The following MARCHF1 variants were observed in gnomAD, a reference collection of about 807,000 sequenced individuals.
The protein encoded by MARCHF1 is E3 ubiquitin-protein ligase MARCHF1.
A neutral mutation model predicts 54.2 loss-of-function variants in MARCHF1; 40 were observed. The observed-to-expected ratio is 0.74, with a 90% CI of 0.57 to 0.96. The LOEUF is 0.96. Ranked by LOEUF, MARCHF1 falls within the 40% of genes least tolerant of loss-of-function variation. The pLI, the probability that MARCHF1 is intolerant of heterozygous loss-of-function variation, is 0.00. For synonymous variants in MARCHF1, 236 were observed against 236.3 expected, an observed-to-expected ratio of 1.00 and a Z score of 0.01; for missense variants, 586 against 656.5, an observed-to-expected ratio of 0.89 and a Z score of 1.17.
chr4:163,704,459 T>C (rs1744893826), intron 4 of MARCHF1, among the ~76,000 whole-genome samples: 1 of 151,888 alleles, frequency 6.6e-6, no homozygotes, highest in Non-Finnish European at 1.5e-5. Flanking sequence ...GTTATAAACA[T>C]TTAATGTCTA....
At chr4:164,117,359 A>G (rs889480583) in intron 1 of MARCHF1, among the ~76,000 whole-genome samples, 2 of 152,076 alleles carry the variant, frequency 1.3e-5, no homozygotes, top group Admixed American at 6.6e-5. Context: ...ATTTTAGGTC[A>G]AGGCTTATCC....
rs562071958 is a variant in MARCHF1 at position 164,335,912 on chromosome 4, T to C, written c.-323+47958A>G. Reference sequence around the variant, plus strand: ...AGAACAAACCTGAATATATGTATTCTTCCAGTAATCAATCAGGCAAGCTTA... The same window carrying C: ...AGAACAAACCTGAATATATGTATTCCTCCAGTAATCAATCAGGCAAGCTTA... On this transcript the variant is annotated intron_variant, in intron 1 of 9. Coordinates refer to ENST00000514618, the MANE Select transcript of MARCHF1 (RefSeq NM_001394959.1). Among the ~76,000 whole-genome samples, 6 of 152,298 alleles carry C rather than the reference T, an allele frequency of 3.9e-5. No individual in the cohort carries two copies. In the South Asian group the frequency reaches 1.2e-3, roughly 32 times the overall value.
At chr4:164,339,536 A>T (rs1410522882) in intron 1 of MARCHF1, among the ~76,000 whole-genome samples, 1 of 152,214 alleles carries the variant, frequency 6.6e-6, no homozygotes. Flanking sequence ...AAAATTTAAA[A>T]CAACATATCA....
chr4:163,811,297 T>C (rs1194084086), intron 4 of MARCHF1, among the ~76,000 whole-genome samples: 1 of 152,100 alleles, frequency 6.6e-6, no homozygotes, highest in Non-Finnish European at 1.5e-5. Context: ...TTTTGTTTAG[T>C]GATACCTTAA....
chr4:163,637,648 C>A (rs7377471), intron 5 of MARCHF1, among the ~76,000 whole-genome samples: 33,718 of 148,446 alleles, frequency 0.23, 4,522 homozygotes, highest in Non-Finnish European at 0.3. Context: ...GTTGGTGGGA[C>A]TGTAAACTAG....
intron 1 of MARCHF1, among the ~76,000 whole-genome samples, chr4:164,272,287 C>T (rs1371876252): frequency 2.4e-4 from 37 of 151,848 alleles, no homozygotes; most frequent in Admixed American, 2.2e-3. Flanking sequence ...TCAAGAGAAA[C>T]TTACAGGAGT....
In MARCHF1 at chr4:164,158,898, G is replaced by A. The variant is rs140313891; in HGVS notation, c.-322-47236C>T. On this transcript the variant is annotated intron_variant, in intron 1 of 9. Transcript: ENST00000514618. ...TCTTCAGCATGAACATGTCTACTTC[G>A]AGAATCATCCTCCTCCTAAACCTGC... 5.1e-3 allele frequency among the ~76,000 whole-genome samples: 769 copies of A among 152,066 alleles called. 5 individuals are homozygous for A. Among genetic ancestry groups the A allele is most frequent in the Non-Finnish European group, 8.0e-3 (546 of 67,988 alleles).
intron 1 of MARCHF1, among the ~76,000 whole-genome samples, chr4:164,117,562 A>G (rs577237207): frequency 6.6e-6 from 1 of 152,204 alleles, no homozygotes; most frequent in South Asian, 2.1e-4. Context: ...AGATAATTAT[A>G]AAACATTCAA....
chr4:163,912,015 C>T (rs1374594517), intron 3 of MARCHF1, among the ~76,000 whole-genome samples: 1 of 150,550 alleles, frequency 6.6e-6, no homozygotes, highest in African/African-American at 2.4e-5. Flanking sequence ...GAAAAGAAAT[C>T]GTTAGTCTAG....
intron 5 of MARCHF1, among the ~76,000 whole-genome samples, chr4:163,681,490 C>T (rs1262328725): frequency 6.6e-6 from 1 of 152,028 alleles, no homozygotes; most frequent in East Asian, 1.9e-4. Flanking sequence ...TCCCATAATC[C>T]CCATATGTCA....
intron 1 of MARCHF1, among the ~76,000 whole-genome samples, chr4:164,242,823 T>A (rs939726301): frequency 1.3e-5 from 2 of 151,236 alleles, no homozygotes; most frequent in African/African-American, 4.9e-5. Context: ...GAGAACTACG[T>A]GAAGAATGCA....
intron 4 of MARCHF1, among the ~76,000 whole-genome samples, chr4:163,780,079 C>A (rs538477899): frequency 6.6e-6 from 1 of 152,212 alleles, no homozygotes; most frequent in South Asian, 2.1e-4. Context: ...ATTGAGTGGA[C>A]AAAATTGAGA....
chr4:164,298,032 A>T (rs1734455429), intron 1 of MARCHF1, among the ~76,000 whole-genome samples: 1 of 152,112 alleles, frequency 6.6e-6, no homozygotes, highest in Non-Finnish European at 1.5e-5. Context: ...TATATGTCTC[A>T]ACACAATACC....
At chr4:164,092,186 G>A (rs1203468157) in intron 2 of MARCHF1, among the ~76,000 whole-genome samples, 7 of 152,070 alleles carry the variant, frequency 4.6e-5, no homozygotes, top group African/African-American at 7.2e-5. Context: ...CAGCCACTGG[G>A]CACCAGGCTG....
At position 163,535,142 on chromosome 4, in the gene MARCHF1, G is replaced by T. The variant is rs534986046; in HGVS notation, c.1340-6096C>A. 3.3e-5 allele frequency among the ~76,000 whole-genome samples: 5 copies of T among 151,964 alleles called. No individual in the cohort carries two copies. In the South Asian group the frequency reaches 1.0e-3, roughly 32 times the overall value. On this transcript the variant is annotated intron_variant, in intron 9 of 9. Coordinates refer to ENST00000514618, the MANE Select transcript of MARCHF1 (RefSeq NM_001394959.1). ...CAGTATCGTTCATAACGAAACATAC[G>T]TTCCACACTTTTAACATATTCTAGG...
At chr4:164,080,923 A>AC in intron 2 of MARCHF1, among the ~76,000 whole-genome samples, 1 of 151,868 alleles carries the variant, frequency 6.6e-6, no homozygotes, top group Non-Finnish European at 1.5e-5. Context: ...AAGAAATATT[A>AC]TTTGGCCGGG....
chr4:163,560,969 T>A (rs78647116), intron 8 of MARCHF1, among the ~76,000 whole-genome samples: 8,751 of 152,208 alleles, frequency 0.057, 380 homozygotes, highest in South Asian at 0.14. Flanking sequence ...GTGCATAAAA[T>A]CCACTTTTTT....
At chr4:164,223,814 C>T (rs1191084097) in intron 1 of MARCHF1, among the ~76,000 whole-genome samples, 1 of 151,532 alleles carries the variant, frequency 6.6e-6, no homozygotes, top group Non-Finnish European at 1.5e-5. Context: ...GGAAACCCTA[C>T]ATATTATAGT....
chr4:163,832,602 A>AT (rs945419517), intron 4 of MARCHF1, among the ~76,000 whole-genome samples: 337 of 150,558 alleles, frequency 2.2e-3, no homozygotes, highest in African/African-American at 7.5e-3. Context: ...TATTATTATT[A>AT]TAATACTTTA....
Sources: gnomAD v4.1 joint callset for allele counts (sites outside exome capture counted in the v4.1 genomes callset) on GRCh38, gnomAD v4.1.1 for gene constraint, MANE v1.5 for transcripts, NCBI Gene and HGNC (gene_info 2026-07-23, HGNC 2026-07-21) for gene names.